The following ANK3 variants were observed in gnomAD, a reference collection of about 807,000 sequenced individuals.
ANK3 encodes ankyrin 3.
Under a neutral mutation model 370.9 loss-of-function variants are expected in ANK3, and 57 were observed. That is an observed-to-expected ratio of 0.15 (90% confidence interval 0.12 to 0.19). The LOEUF is 0.19. Ranked by LOEUF, ANK3 falls within the 10% of genes least tolerant of loss-of-function variation. The pLI, the probability that ANK3 is intolerant of heterozygous loss-of-function variation, is 1.00. For synonymous variants in ANK3, 1,929 were observed against 1,946.3 expected (o/e 0.99, Z 0.23); for missense variants, 4,439 against 5,302.1 (o/e 0.84, Z 5.06).
Position 60,071,537 on chromosome 10 carries a change from T to G in ANK3, c.9344A>C (p.Lys3115Thr), listed in dbSNP as rs148162364. The change falls in exon 37 of 44, where the codon AAA becomes ACA. Residue 3115 changes from lysine (K) to threonine (T), a missense_variant. By Grantham distance (78) the Lys-to-Thr change is moderately conservative (BLOSUM62 -1). This residue lies in a region of ANK3 where 1,601 missense variants were observed against 1,731.7 expected (regional missense o/e 0.92). Transcript: ENST00000280772. ...YEKEIQQGGV[K>T]KIISQECKTV... ...CTTACATTCCTGACTTATGATTTTT[T>G]TTACACCTCCTTGTTGTATCTCCTT... is the stretch of plus-strand genomic sequence containing the variant. 118 of 1,614,004 alleles carry G rather than the reference T, an allele frequency of 7.3e-5. No homozygotes were observed. The highest frequency in any genetic ancestry group is 9.5e-5 in the Non-Finnish European group (112 of 1,180,002).
intron 2 of ANK3, among the ~76,000 whole-genome samples, chr10:60,549,906 C>T (rs1212616477): frequency 1.3e-5 from 2 of 152,108 alleles, no homozygotes; most frequent in African/African-American, 4.8e-5. Context: ...TGGCATATTA[C>T]TCTGGGTTGT....
chr10:60,059,096 A>G (rs2079801144), intron 41 of ANK3, among the ~76,000 whole-genome samples: 1 of 152,238 alleles, frequency 6.6e-6, no homozygotes, highest in Non-Finnish European at 1.5e-5. Context: ...AAGTAAAGAC[A>G]ACGTATAAAT....
At chr10:60,457,473 T>C (rs759129044) in intron 2 of ANK3, among the ~76,000 whole-genome samples, 29 of 152,128 alleles carry the variant, frequency 1.9e-4, no homozygotes, top group Non-Finnish European at 2.4e-4. Context: ...AGATTGCTAA[T>C]ATGTTCTAAA....
chr10:60,323,831 G>A (rs988292597), intron 1 of ANK3, among the ~76,000 whole-genome samples: 3 of 152,178 alleles, frequency 2.0e-5, no homozygotes, highest in African/African-American at 7.2e-5. Context: ...GTTTCAAAGA[G>A]GGGGAGGTGG....
At chr10:60,638,731 T>C (rs2078589503) in intron 1 of ANK3, among the ~76,000 whole-genome samples, 1 of 152,082 alleles carries the variant, frequency 6.6e-6, no homozygotes, top group African/African-American at 2.4e-5. Flanking sequence ...ATATGCTCAA[T>C]AACTTCTAGA....
chr10:60,477,455 T>A (rs2075096510), intron 2 of ANK3, among the ~76,000 whole-genome samples: 1 of 150,872 alleles, frequency 6.6e-6, no homozygotes, highest in South Asian at 2.1e-4. Context: ...GCAAAATGAG[T>A]TGGGGCTACG....
chr10:60,527,552 G>A (rs1261321690), intron 2 of ANK3, among the ~76,000 whole-genome samples: 1 of 152,046 alleles, frequency 6.6e-6, no homozygotes, highest in Non-Finnish European at 1.5e-5. Context: ...TTTTCTGAAA[G>A]TATTACTAAA....
chr10:60,500,060 G>A (rs1433790355), intron 2 of ANK3, among the ~76,000 whole-genome samples: 1 of 152,156 alleles, frequency 6.6e-6, no homozygotes. Context: ...CAAAGAGCTT[G>A]ACTAAATTAC....
chr10:60,151,246 T>C (rs1050546070), intron 23 of ANK3, among the ~76,000 whole-genome samples: 5 of 152,148 alleles, frequency 3.3e-5, no homozygotes, highest in Non-Finnish European at 7.3e-5. Context: ...CCCCTCCAAA[T>C]CTCTTGTTGA....
intron 8 of ANK3, among the ~76,000 whole-genome samples, chr10:60,220,105 G>A (rs2097018167): frequency 6.6e-6 from 1 of 152,074 alleles, no homozygotes; most frequent in African/African-American, 2.4e-5. Context: ...TGTAAAACCT[G>A]AAGACATCTG....
intron 2 of ANK3, among the ~76,000 whole-genome samples, chr10:60,577,987 A>G (rs1178596936): frequency 2.0e-5 from 3 of 152,210 alleles, no homozygotes; most frequent in African/African-American, 7.2e-5. Context: ...TTTTTGCCAT[A>G]TCTAATGATC....
intron 17 of ANK3, among the ~76,000 whole-genome samples, chr10:60,184,874 A>G (rs1330834865): frequency 6.6e-6 from 1 of 152,234 alleles, no homozygotes; most frequent in Non-Finnish European, 1.5e-5. Context: ...TCTGGAAGAA[A>G]TGATGAAATA....
Position 60,495,205 on chromosome 10 carries a change from C to A in ANK3, c.96+119981G>T, listed in dbSNP as rs1409939866. On this transcript the variant is annotated intron_variant, in intron 2 of 43. Coordinates refer to the ANK3 transcript ENST00000373827. ...GAAGCTTTTCTAAAGTTTTATAAAC[C>A]AAGACTAAAATTTCAAAGTCAATAT... 4.6e-5 allele frequency among the ~76,000 whole-genome samples: 7 copies of A among 152,014 alleles called. 1 individual carries two copies. The highest frequency in any genetic ancestry group is 2.9e-5 in the Non-Finnish European group (2 of 68,002).
intron 1 of ANK3, among the ~76,000 whole-genome samples, chr10:60,622,363 G>T (rs1000663593): frequency 8.6e-5 from 13 of 151,898 alleles, no homozygotes; most frequent in Non-Finnish European, 1.6e-4. Flanking sequence ...TCCTGCCTCA[G>T]CCTCCTGAGT....
intron 1 of ANK3, among the ~76,000 whole-genome samples, chr10:60,353,076 C>G (rs2057151953): frequency 1.3e-5 from 2 of 152,122 alleles, no homozygotes; most frequent in South Asian, 4.2e-4. Context: ...CTCCACCTCC[C>G]CAGCTCAGGC....
chr10:60,281,694 T>C (rs1029509324), intron 1 of ANK3, among the ~76,000 whole-genome samples: 4 of 152,194 alleles, frequency 2.6e-5, no homozygotes, highest in Admixed American at 2.6e-4. Context: ...TTAATTAAAG[T>C]ATTGCCTGGA....
Position 60,469,197 on chromosome 10 carries a change from G to GCA in ANK3, c.96+145988_96+145989insTG, listed in dbSNP as rs1555377157. 7.0e-4 allele frequency among the ~76,000 whole-genome samples: 16 copies of GCA among 22,774 alleles called. 2 individuals carry two copies. The highest frequency in any genetic ancestry group is 5.5e-3 in the East Asian group (3 of 548). 14.9% of individuals were successfully genotyped at this position (22,774 alleles called of 152,430 possible). A position where few individuals can be genotyped will look rare whatever the true frequency, so the allele number is the denominator to read the frequency against. ...TATATATATATACACCACTTTTAGT[G>GCA]TATATATATATACCACTTTTAGTGC... is the stretch of plus-strand genomic sequence containing the variant. On this transcript the variant is annotated intron_variant, in intron 2 of 43. Coordinates refer to the ANK3 transcript ENST00000373827.
At chr10:60,461,802 CT>C (rs1178558556) in intron 2 of ANK3, among the ~76,000 whole-genome samples, 1 of 152,178 alleles carries the variant, frequency 6.6e-6, no homozygotes, top group East Asian at 1.9e-4. Context: ...CATTTCACCC[CT>C]GACAGAGTAA....
chr10:60,620,181 T>C (rs531648940), intron 1 of ANK3, among the ~76,000 whole-genome samples: 4 of 152,326 alleles, frequency 2.6e-5, no homozygotes, highest in African/African-American at 9.6e-5. Context: ...TTGGTGACTT[T>C]CCATATCTGA....
Sources: gnomAD v4.1 joint callset for allele counts (sites outside exome capture counted in the v4.1 genomes callset) on GRCh38, gnomAD v4.1.1 for gene constraint, gnomAD v4.1.1 regional missense constraint, MANE v1.5 for transcripts, NCBI Gene and HGNC (gene_info 2026-07-23, HGNC 2026-07-21) for gene names.